Variants in DLGAP1 observed in about 807,000 individuals in gnomAD.
DLGAP1 encodes DLG associated protein 1.
DLGAP1 carries 11 observed loss-of-function variants against 90.8 expected under a neutral mutation model. That is an observed-to-expected ratio of 0.12 (90% CI 0.08 to 0.20). The LOEUF is 0.20. Among genes scored for constraint, DLGAP1 ranks in the 10% least tolerant of loss-of-function variants. The probability of loss-of-function intolerance (pLI) is 1.00; values close to 1 mark genes in which losing one functional copy is unlikely to be tolerated. For synonymous variants in DLGAP1, 558 were observed against 540.7 expected (o/e 1.03, Z -0.44); for missense variants, 1,050 against 1,333.8 (o/e 0.79, Z 3.31).
At position 3,517,944 on chromosome 18, in the gene DLGAP1, G is replaced by A. The variant is rs1358867687; in HGVS notation, c.2480-9283C>T. 6.6e-6 allele frequency among the ~76,000 whole-genome samples: 1 copy of A among 152,158 alleles called. No homozygotes were observed. The highest frequency in any genetic ancestry group is 1.5e-5 in the Non-Finnish European group (1 of 68,024). ...CTTCATCCATATCAACAAAAAGGCT[G>A]TTTCGCTTCCTTATCATTTGTATGT... On this transcript the variant is annotated intron_variant, in intron 10 of 12. Coordinates refer to ENST00000315677, the MANE Select transcript of DLGAP1 (RefSeq NM_004746.4). This position sits in a 1 kb window ranked among gnomAD's most constrained non-coding sequence, Gnocchi z 4.1.
intron 9 of DLGAP1, among the ~76,000 whole-genome samples, chr18:3,558,331 C>T (rs1284676323): frequency 2.0e-5 from 3 of 152,182 alleles, no homozygotes; most frequent in Admixed American, 2.0e-4. Flanking sequence ...CTCCTGGATT[C>T]AAGTGACTCT....
chr18:3,566,119 A>G (rs555601711), intron 9 of DLGAP1, among the ~76,000 whole-genome samples: 1 of 149,838 alleles, frequency 6.7e-6, no homozygotes, highest in African/African-American at 2.5e-5. Flanking sequence ...AAAGCATGCT[A>G]TTATTGGTTA....
chr18:3,644,950 A>G (rs911873374), intron 7 of DLGAP1, among the ~76,000 whole-genome samples: 4 of 146,586 alleles, frequency 2.7e-5, no homozygotes, highest in African/African-American at 1.1e-4. Flanking sequence ...CCTTTGGGTA[A>G]AAAAGGGGAA....
At chr18:4,388,110 A>C (rs1234093909) in intron 1 of DLGAP1, among the ~76,000 whole-genome samples, 2 of 152,138 alleles carry the variant, frequency 1.3e-5, no homozygotes, top group African/African-American at 4.8e-5. Context: ...AGGCATAAAC[A>C]GTGAGCTAAA....
rs1350366570 is a variant in DLGAP1 at position 4,025,539 on chromosome 18, A to G, written c.-158-20338T>C. 2.0e-5 allele frequency among the ~76,000 whole-genome samples: 3 copies of G among 152,086 alleles called. No homozygotes were observed. The East Asian group carries it at 5.8e-4, about 29-fold the overall frequency. On this transcript the variant is annotated intron_variant, in intron 2 of 12. Transcript: ENST00000315677. Reference sequence around the variant, plus strand: ...AACAGTTCTTCAGGGTGGTAAAGTGATTGGCCCACGGTCATGCAATTGATC... The same window carrying G: ...AACAGTTCTTCAGGGTGGTAAAGTGGTTGGCCCACGGTCATGCAATTGATC...
intron 2 of DLGAP1, among the ~76,000 whole-genome samples, chr18:4,083,716 C>T (rs1330976749): frequency 1.3e-5 from 2 of 152,162 alleles, no homozygotes; most frequent in African/African-American, 4.8e-5. Flanking sequence ...TTCTTTCGTG[C>T]CCTAGAGTTA....
At chr18:4,282,913 C>T (rs2079587869) in intron 1 of DLGAP1, among the ~76,000 whole-genome samples, 1 of 152,178 alleles carries the variant, frequency 6.6e-6, no homozygotes, top group Admixed American at 6.5e-5. Context: ...TGTTTTGTCT[C>T]AGTCATGTCA....
intron 5 of DLGAP1, among the ~76,000 whole-genome samples, chr18:3,744,865 C>T (rs2063203421): frequency 6.6e-6 from 1 of 152,076 alleles, no homozygotes. Flanking sequence ...AAATTTTATT[C>T]AAATGTAACA....
intron 10 of DLGAP1, among the ~76,000 whole-genome samples, chr18:3,529,994 T>C (rs1055260567): frequency 3.3e-5 from 5 of 152,248 alleles, no homozygotes; most frequent in African/African-American, 1.2e-4. Flanking sequence ...TAAATCTTTA[T>C]ACAATGAGTA....
At chr18:3,822,350 G>A (rs1244021446) in intron 4 of DLGAP1, among the ~76,000 whole-genome samples, 2 of 152,190 alleles carry the variant, frequency 1.3e-5, no homozygotes, top group East Asian at 1.9e-4. Context: ...CCATGACCCT[G>A]TAGAATTATT....
chr18:4,416,848 C>T (rs746471789), intron 1 of DLGAP1, among the ~76,000 whole-genome samples: 1 of 152,218 alleles, frequency 6.6e-6, no homozygotes, highest in Non-Finnish European at 1.5e-5. Flanking sequence ...CAAGTTCAGA[C>T]ACTGACTAGG....
intron 1 of DLGAP1, among the ~76,000 whole-genome samples, chr18:4,249,664 T>C (rs996878506): frequency 6.6e-6 from 1 of 152,176 alleles, no homozygotes; most frequent in Non-Finnish European, 1.5e-5. Context: ...CATAGCTCAC[T>C]GTAGCCTCTA....
At chr18:3,692,720 G>A (rs1276626480) in intron 7 of DLGAP1, among the ~76,000 whole-genome samples, 1 of 152,174 alleles carries the variant, frequency 6.6e-6, no homozygotes, top group African/African-American at 2.4e-5. Context: ...TATACTCCTT[G>A]GGAGAGGGAT....
At chr18:4,299,627 G>A (rs1055735886) in intron 1 of DLGAP1, among the ~76,000 whole-genome samples, 12 of 152,008 alleles carry the variant, frequency 7.9e-5, no homozygotes, top group Non-Finnish European at 1.5e-4. Context: ...ATATAAAAGA[G>A]AGTGAAAAAA....
intron 2 of DLGAP1, among the ~76,000 whole-genome samples, chr18:4,134,065 T>C (rs577543653): frequency 6.6e-6 from 1 of 152,258 alleles, no homozygotes; most frequent in East Asian, 1.9e-4. Context: ...TGCATAATTA[T>C]ACAAATTTAT....
intron 2 of DLGAP1, among the ~76,000 whole-genome samples, chr18:4,074,216 A>G (rs1046368286): frequency 3.3e-5 from 5 of 152,274 alleles, no homozygotes; most frequent in African/African-American, 9.6e-5. Context: ...AACTTGGGTA[A>G]GTATATTCAT....
At chr18:4,229,723 A>G (rs2078261936) in intron 1 of DLGAP1, among the ~76,000 whole-genome samples, 1 of 152,002 alleles carries the variant, frequency 6.6e-6, no homozygotes, top group Non-Finnish European at 1.5e-5. Context: ...AACTACTACA[A>G]GAAAACATGG....
At chr18:3,837,118 C>T (rs181807242) in intron 4 of DLGAP1, among the ~76,000 whole-genome samples, 10 of 152,336 alleles carry the variant, frequency 6.6e-5, no homozygotes, top group Middle Eastern at 6.8e-3. Flanking sequence ...TGGAGCCAAG[C>T]CTGCGAAATA....
intron 2 of DLGAP1, among the ~76,000 whole-genome samples, chr18:4,051,494 A>G (rs1401733159): frequency 2.6e-5 from 4 of 152,236 alleles, no homozygotes; most frequent in Non-Finnish European, 5.9e-5. Context: ...CTCACTCACT[A>G]TCACAAGAAC....
Sources: allele counts gnomAD v4.1 joint callset (sites outside exome capture counted in the v4.1 genomes callset), GRCh38; gene constraint gnomAD v4.1.1; non-coding constraint Gnocchi (gnomAD v3.1); transcripts MANE v1.5; gene names NCBI Gene and HGNC (gene_info 2026-07-23, HGNC 2026-07-21).